Variants in MLLT10 observed in about 807,000 individuals in gnomAD.
MLLT10 encodes the protein protein AF-10.
MLLT10 carries 30 observed loss-of-function variants against 129.1 expected under a neutral mutation model. The observed-to-expected ratio is 0.23, with a 90% confidence interval of 0.17 to 0.32. The LOEUF (loss-of-function observed/expected upper bound fraction) is 0.32, where lower values mean the gene tolerates loss of function less well. Ranked by LOEUF, MLLT10 falls within the 10% of genes least tolerant of loss-of-function variation. The probability of loss-of-function intolerance (pLI) is 1.00; values close to 1 mark genes in which losing one functional copy is unlikely to be tolerated. For missense variants in MLLT10, 1,119 were observed against 1,268.3 expected, an observed-to-expected ratio of 0.88 and a Z score of 1.79; for synonymous variants, 490 against 446.4, an observed-to-expected ratio of 1.10 and a Z score of -1.23.
chr10:21,597,367 ATTTATT>A (rs1043086520), intron 5 of MLLT10, among the ~76,000 whole-genome samples: 2 of 152,012 alleles, frequency 1.3e-5, no homozygotes, highest in Admixed American at 1.3e-4. Context: ...TGGTCTTTTT[ATTTATT>A]TTTATTTTTA....
intron 5 of MLLT10, among the ~76,000 whole-genome samples, chr10:21,607,742 A>C (rs1358749461): frequency 6.6e-6 from 1 of 152,190 alleles, no homozygotes; most frequent in Non-Finnish European, 1.5e-5. Context: ...ATTTAAATTA[A>C]ATAGATAAGA....
intron 9 of MLLT10, among the ~76,000 whole-genome samples, chr10:21,662,581 A>G (rs2050321731): frequency 6.6e-6 from 1 of 152,072 alleles, no homozygotes; most frequent in Non-Finnish European, 1.5e-5. Context: ...CATTATGCAT[A>G]TGTTCTTGCA....
chr10:21,650,114 G>A (rs531116057), intron 8 of MLLT10, among the ~76,000 whole-genome samples: 1 of 152,282 alleles, frequency 6.6e-6, no homozygotes, highest in Non-Finnish European at 1.5e-5. Context: ...GCACATGCCT[G>A]TAGTCCCAGC....
In MLLT10 at chr10:21,742,332, A is replaced by C. The variant is rs905580810; in HGVS notation, c.*349A>C. 3.9e-6 allele frequency: 1 copy of C among 258,634 alleles called. No homozygotes were observed. Among genetic ancestry groups the C allele is most frequent in the East Asian group, 5.8e-5 (1 of 17,366 alleles). The allele number at this position is 258,634 out of a possible 1,614,324, so 16.0% of individuals were successfully genotyped here. A position where few individuals can be genotyped will look rare whatever the true frequency, so the allele number is the denominator to read the frequency against. ...GTTTTGTTTATAAATTGGAGATGCA[A>C]ATAGCAAAACTAAATACTTGCTCCA... On this transcript the variant is annotated 3_prime_UTR_variant, in exon 23 of 23. Transcript: ENST00000307729.
intron 3 of MLLT10, among the ~76,000 whole-genome samples, chr10:21,543,525 T>C (rs2035568271): frequency 6.6e-6 from 1 of 151,216 alleles, no homozygotes; most frequent in African/African-American, 2.4e-5. Context: ...TTGCCCAGGC[T>C]TGGAGTGCAG....
intron 3 of MLLT10, among the ~76,000 whole-genome samples, chr10:21,542,237 T>C (rs1354358664): frequency 1.3e-5 from 2 of 152,152 alleles, no homozygotes; most frequent in Non-Finnish European, 2.9e-5. Context: ...TCTGAGGACA[T>C]GGTCAAAGTG....
chr10:21,705,004 G>A (rs935519846), intron 13 of MLLT10, among the ~76,000 whole-genome samples: 1 of 152,092 alleles, frequency 6.6e-6, no homozygotes. Context: ...TGGTGTTAGT[G>A]GGTCCAGGTA....
chr10:21,619,868 G>A (rs1450534777), intron 8 of MLLT10, among the ~76,000 whole-genome samples: 1 of 151,698 alleles, frequency 6.6e-6, no homozygotes. Flanking sequence ...AAAAGATTGA[G>A]TGTTATAGAC....
At chr10:21,583,900 C>T (rs557467592) in intron 3 of MLLT10, among the ~76,000 whole-genome samples, 18 of 150,836 alleles carry the variant, frequency 1.2e-4, no homozygotes, top group East Asian at 3.9e-4. Flanking sequence ...GACGGAGTCT[C>T]GCTCTGTCAC....
At chr10:21,597,111 A>G (rs1220732792) in intron 5 of MLLT10, among the ~76,000 whole-genome samples, 1 of 152,106 alleles carries the variant, frequency 6.6e-6, no homozygotes, top group Non-Finnish European at 1.5e-5. Context: ...GGTTGCAGGA[A>G]TAGTACAAAA....
At chr10:21,689,122 G>A (rs985139167) in intron 13 of MLLT10, among the ~76,000 whole-genome samples, 1 of 151,918 alleles carries the variant, frequency 6.6e-6, no homozygotes, top group South Asian at 2.1e-4. Flanking sequence ...TTTCCTTCTT[G>A]AGACTGTCTT....
At chr10:21,554,208 G>T (rs552193719) in intron 3 of MLLT10, among the ~76,000 whole-genome samples, 2 of 152,148 alleles carry the variant, frequency 1.3e-5, no homozygotes, top group Non-Finnish European at 2.9e-5. Flanking sequence ...AAAAATTTTG[G>T]ATGTTAGACT....
chr10:21,640,113 T>G (rs368834123), intron 8 of MLLT10, among the ~76,000 whole-genome samples: 1 of 149,676 alleles, frequency 6.7e-6, no homozygotes, highest in African/African-American at 2.5e-5. Flanking sequence ...GCAAGGACTT[T>G]GGGAGTTTTG....
intron 4 of MLLT10, among the ~76,000 whole-genome samples, chr10:21,594,620 G>A (rs2042858246): frequency 7.5e-6 from 1 of 133,918 alleles, no homozygotes; most frequent in East Asian, 2.5e-4. Context: ...ATAGGCAAAT[G>A]TTCCCTGGGC....
rs1220590703 is a variant in MLLT10, at chr10:21,695,504, T to C, written c.1699+13247T>C. On this transcript the variant is annotated intron_variant, in intron 13 of 22. Coordinates refer to ENST00000307729, the MANE Select transcript of MLLT10 (RefSeq NM_001195626.3). ...CTACAAGATACTCTGTGTTCTTCTT[T>C]TTTATATAGAGTGTTCTTTTCTCAC... 6.6e-5 allele frequency among the ~76,000 whole-genome samples: 10 copies of C among 152,212 alleles called. No individual in the cohort carries two copies. In the East Asian group the frequency reaches 1.7e-3, roughly 26 times the overall value.
intron 3 of MLLT10, among the ~76,000 whole-genome samples, chr10:21,549,562 A>G (rs2036642036): frequency 6.6e-6 from 1 of 152,118 alleles, no homozygotes; most frequent in African/African-American, 2.4e-5. Context: ...AAAGCATGGC[A>G]GCTGGAACTG....
chr10:21,547,183 A>AT (rs2036223322), intron 3 of MLLT10, among the ~76,000 whole-genome samples: 1 of 151,196 alleles, frequency 6.6e-6, no homozygotes, highest in Non-Finnish European at 1.5e-5. Context: ...TCATTCTTTT[A>AT]TTTTTTTTAA....
chr10:21,605,207 A>G (rs1207822404), intron 5 of MLLT10, among the ~76,000 whole-genome samples: 4 of 152,184 alleles, frequency 2.6e-5, no homozygotes, highest in Non-Finnish European at 5.9e-5. Flanking sequence ...TCATCTGTCT[A>G]CACAGTTCAC....
chr10:21,539,301 T>A (rs1308398506), intron 3 of MLLT10, among the ~76,000 whole-genome samples: 2 of 152,164 alleles, frequency 1.3e-5, no homozygotes, highest in Non-Finnish European at 2.9e-5. Flanking sequence ...AAAAACCCAA[T>A]AATTTTAGTG....
Sources: gnomAD v4.1 joint callset for allele counts (sites outside exome capture counted in the v4.1 genomes callset) on GRCh38, gnomAD v4.1.1 for gene constraint, MANE v1.5 for transcripts, NCBI Gene and HGNC (gene_info 2026-07-23, HGNC 2026-07-21) for gene names.